The following GPAM variants were observed in gnomAD, a reference collection of about 807,000 sequenced individuals.
GPAM encodes glycerol-3-phosphate acyltransferase 1, mitochondrial.
Under a neutral mutation model 105.0 loss-of-function variants are expected in GPAM, and 56 were observed. The ratio of observed to expected loss-of-function variants is 0.53; its 90% confidence interval spans 0.43 to 0.67. The LOEUF (loss-of-function observed/expected upper bound fraction) is 0.67. Among genes scored for constraint, GPAM ranks in the 30% least tolerant of loss-of-function variants. GPAM has a pLI of 0.00. For synonymous variants in GPAM, 368 were observed against 354.4 expected, an observed-to-expected ratio of 1.04 and a Z score of -0.43; for missense variants, 855 against 989.8, an observed-to-expected ratio of 0.86 and a Z score of 1.83.
chr10:112,214,084 G>A (rs765419627), intron 1 of GPAM, among the ~76,000 whole-genome samples: 7 of 152,158 alleles, frequency 4.6e-5, no homozygotes, highest in Non-Finnish European at 7.3e-5. Context: ...GACCACAGCA[G>A]TCAGCACAGG....
intron 9 of GPAM, among the ~76,000 whole-genome samples, chr10:112,171,905 C>A (rs1847319140): frequency 1.3e-5 from 2 of 152,178 alleles, no homozygotes; most frequent in African/African-American, 4.8e-5. Flanking sequence ...TCTTGCCTTT[C>A]TAATTGCCTT....
chr10:112,217,110 C>T (rs577447731), upstream of GPAM, among the ~76,000 whole-genome samples: 18 of 152,234 alleles, frequency 1.2e-4, no homozygotes, highest in South Asian at 1.9e-3. Context: ...AATTTTAGAA[C>T]ATTCCATCAC....
chr10:112,202,026 T>G (rs1441138724), intron 1 of GPAM, among the ~76,000 whole-genome samples: 1 of 152,214 alleles, frequency 6.6e-6, no homozygotes, highest in African/African-American at 2.4e-5. Flanking sequence ...TGCAGAGAGC[T>G]TATGCAACTT....
intron 1 of GPAM, among the ~76,000 whole-genome samples, chr10:112,193,293 G>A (rs911296747): frequency 6.6e-6 from 1 of 152,138 alleles, no homozygotes; most frequent in Non-Finnish European, 1.5e-5. Context: ...CCAAGGAGGG[G>A]GTCCTGACCA....
chr10:112,160,355 G>A, intron 16 of GPAM: 1 of 974,108 alleles, frequency 1.0e-6, no homozygotes, highest in Non-Finnish European at 1.2e-6. Flanking sequence ...TAGATTTTCA[G>A]CTCCTGGATA....
At chr10:112,188,700 G>T (rs1003428444), upstream of GPAM, among the ~76,000 whole-genome samples, 1 of 152,184 alleles carries the variant, frequency 6.6e-6, no homozygotes, top group African/African-American at 2.4e-5. Flanking sequence ...TTTTCCAGAT[G>T]TTCGAGGTAT....
At chr10:112,195,527 G>A (rs958547049) in intron 1 of GPAM, among the ~76,000 whole-genome samples, 12 of 152,082 alleles carry the variant, frequency 7.9e-5, no homozygotes, top group East Asian at 1.9e-4. Context: ...AAGTCTCACC[G>A]CCTCATGAAA....
chr10:112,160,242 C>T (rs987891393), intron 16 of GPAM, 189 bp from the exon 17 acceptor site: 2 of 407,480 alleles, frequency 4.9e-6, no homozygotes, highest in Non-Finnish European at 6.6e-6. Flanking sequence ...CAAAAACCTT[C>T]TCCAAAGACA....
rs1816932058 is a variant in GPAM at position 112,160,857 on chromosome 10, G to A, written c.1506C>T (p.Leu502=). The change falls in exon 16 of 22, where the codon CTC becomes CTT. Residue 502 remains leucine (L), a synonymous_variant. Transcript: ENST00000348367. ...LLYRHRQGID[L]STLVEDFFVM... ...CAAAGAAGTCTTCGACCAATGTGGAGAGATCAATTCCCTAAAGAAAGATGG... is the reference window on the plus strand; with the variant it reads ...CAAAGAAGTCTTCGACCAATGTGGAAAGATCAATTCCCTAAAGAAAGATGG... 2 of 1,613,568 alleles carry A rather than the reference G, an allele frequency of 1.2e-6. No homozygotes were observed. The highest frequency in any genetic ancestry group is 1.7e-6 in the Non-Finnish European group (2 of 1,179,658).
chr10:112,215,867 A>G (rs1847961912), upstream of GPAM, among the ~76,000 whole-genome samples: 1 of 152,064 alleles, frequency 6.6e-6, no homozygotes, highest in African/African-American at 2.4e-5. Flanking sequence ...TGCATTTCGT[A>G]TTTGTCTTTA....
At chr10:112,187,015 A>G (rs1017077971), upstream of GPAM, among the ~76,000 whole-genome samples, 14 of 152,230 alleles carry the variant, frequency 9.2e-5, no homozygotes, top group African/African-American at 3.4e-4. Flanking sequence ...GCAGTATAAT[A>G]TACTTGAAGG....
In GPAM at chr10:112,208,489, T is replaced by C. The variant is rs959431844; in HGVS notation, n.210+6679A>G. Among the ~76,000 whole-genome samples the C allele has an allele frequency of 3.3e-5, 5 of 152,290 alleles. No homozygotes were observed. The East Asian group carries it at 9.7e-4, about 30-fold the overall frequency. On this transcript the variant is annotated intron_variant and non_coding_transcript_variant, in intron 1 of 3. Transcript: ENST00000480130. ...CGCCAAGAAAACAGTAGTTTCTATT[T>C]AAGGATTTGGCTGCAATAGCCAGCT...
At position 112,151,996 on chromosome 10, in the gene GPAM, T is replaced by C. The variant is rs1846928245; in HGVS notation, c.*1554A>G. On this transcript the variant is annotated 3_prime_UTR_variant, in exon 22 of 22. Transcript: ENST00000348367. The stretch of plus-strand genomic sequence containing the variant: ...GAGGGATCACAACAGCATAGCATTA[T>C]TGCTATGAGTTTCAAACATGGTATT... The C allele has an allele frequency of 2.1e-6, 2 of 970,012 alleles. No homozygotes were observed. Among genetic ancestry groups the C allele is most frequent in the Admixed American group, 6.2e-5 (1 of 16,250 alleles). 60.1% of individuals were successfully genotyped at this position (970,012 alleles called of 1,614,324 possible).
chr10:112,181,561 C>T (rs1473485196), intron 3 of GPAM, 122 bp downstream of exon 3: 2 of 711,674 alleles, frequency 2.8e-6, no homozygotes, highest in Non-Finnish European at 5.2e-6. Context: ...ATAAACATAC[C>T]AGTTTCTGTA....
At chr10:112,216,991 G>A (rs181608460), upstream of GPAM, among the ~76,000 whole-genome samples, 39 of 151,904 alleles carry the variant, frequency 2.6e-4, no homozygotes, top group African/African-American at 8.5e-4. Flanking sequence ...GATATATAAC[G>A]TCTCATTGAA....
exon 1 of GPAM, chr10:112,215,279 C>T (rs1847956336): frequency 6.6e-6 from 1 of 152,218 alleles, no homozygotes; most frequent in African/African-American, 2.4e-5. Context: ...TAAGCAAGGT[C>T]TGGTTCCTCT....
rs1293915622 is a variant in GPAM at position 112,150,744 on chromosome 10, A to G, written c.*2806T>C. 14 of 984,840 alleles carry G rather than the reference A, an allele frequency of 1.4e-5. No individual in the cohort carries two copies. The Admixed American group carries it at 8.0e-4, about 56-fold the overall frequency. The allele number at this position is 984,840 out of a possible 1,614,324, so 61.0% of individuals were successfully genotyped here. On this transcript the variant is annotated 3_prime_UTR_variant, in exon 22 of 22. Coordinates refer to ENST00000348367, the MANE Select transcript of GPAM (RefSeq NM_001244949.2). ...AGTGCATTGTAAGTTTCCAGGTGCA[A>G]ACTTGGTTTCCCAGCAACACCATTT...
chr10:112,173,714 G>A lies in GPAM; in HGVS notation c.545C>T (p.Ser182Leu). ...CTTTTAATACCTGATCATTGCCGGT[G>A]AGACAGTGGCAACCATTTCTTGAAG... Reference protein sequence around the residue: ...RILQEMVATVSPAMIRLTGWV... With the variant: ...RILQEMVATVLPAMIRLTGWV... Residue 182 changes from serine (S) to leucine (L), a missense_variant, in exon 7 of 22, where the codon TCA becomes TTA. Physicochemically the swap from Ser to Leu is moderately radical, Grantham distance 145. Coordinates refer to ENST00000348367, the MANE Select transcript of GPAM (RefSeq NM_001244949.2). 3 of 1,613,810 alleles carry A rather than the reference G, an allele frequency of 1.9e-6. No individual in the cohort carries two copies. Among genetic ancestry groups the A allele is most frequent in the Non-Finnish European group, 2.5e-6 (3 of 1,179,726 alleles).
chr10:112,178,980 C>T (rs1422146440), intron 4 of GPAM, among the ~76,000 whole-genome samples: 1 of 152,108 alleles, frequency 6.6e-6, no homozygotes, highest in Non-Finnish European at 1.5e-5. Flanking sequence ...ATAGCTTTAT[C>T]AATATGGGCA....
Sources: allele counts gnomAD v4.1 joint callset (sites outside exome capture counted in the v4.1 genomes callset), GRCh38; gene constraint gnomAD v4.1.1; transcripts MANE v1.5; gene names NCBI Gene and HGNC (gene_info 2026-07-23, HGNC 2026-07-21).